SLFN5: variants seen among roughly 807,000 people sequenced by gnomAD.
The protein encoded by SLFN5 is schlafen family member 5.
Under a neutral mutation model 48.5 loss-of-function variants are expected in SLFN5, and 34 were observed. The observed-to-expected ratio is 0.70, with a 90% confidence interval of 0.53 to 0.93. The LOEUF is 0.93. Ranked by LOEUF, SLFN5 falls within the 40% of genes least tolerant of loss-of-function variation. The pLI, the probability that SLFN5 is intolerant of heterozygous loss-of-function variation, is 0.00. For missense variants in SLFN5, 1,006 were observed against 1,071.3 expected (o/e 0.94, Z 0.85); for synonymous variants, 387 against 396.2 (o/e 0.98, Z 0.28).
Position 35,264,610 on chromosome 17 carries a change from C to T in SLFN5, c.1566C>T (p.Thr522=). The change falls in exon 4 of 5, where the codon ACC becomes ACT. Residue 522 remains threonine, a synonymous_variant. Coordinates refer to ENST00000299977, the MANE Select transcript of SLFN5 (RefSeq NM_144975.4). The stretch of plus-strand genomic sequence containing the variant: ...ACCCTGAATCCTATAACTTCATGAC[C>T]CCCCAGCACATGGAAGCCCTGTTAC... ...QIYPESYNFM[T]PQHMEALLQS... 1.2e-6 allele frequency: 2 copies of T among 1,614,146 alleles called. No homozygotes were observed. Among genetic ancestry groups the T allele is most frequent in the Non-Finnish European group, 1.7e-6 (2 of 1,180,032 alleles).
At chr17:35,255,460 C>T (rs191539298) in intron 1 of SLFN5, among the ~76,000 whole-genome samples, 43 of 152,292 alleles carry the variant, frequency 2.8e-4, no homozygotes, top group African/African-American at 9.4e-4. Context: ...TGTATGCGTG[C>T]GCACATGTGC....
chr17:35,265,185 A>G lies in SLFN5; in HGVS notation c.1973A>G (p.Asp658Gly). Residue 658 changes from aspartate (D) to glycine (G), a missense_variant, in exon 5 of 5, where the codon GAT becomes GGT. By Grantham distance (94) the Asp-to-Gly change is moderately conservative (BLOSUM62 -1). Transcript: ENST00000299977. The stretch of plus-strand genomic sequence containing the variant: ...GACGCTCAGAATTTCCGTACTGAAG[A>G]TGGGGACTGGTATGGGAAAGCAAAG... ...IDDAQNFRTEDGDWYGKAKFI... is the reference protein window; with the variant it reads ...IDDAQNFRTEGGDWYGKAKFI... 6.2e-7 allele frequency: 1 copy of G among 1,614,180 alleles called. No individual in the cohort carries two copies.
At chr17:35,261,132 G>C in intron 3 of SLFN5, 36 bp downstream of exon 3, 3 of 1,599,196 alleles carry the variant, frequency 1.9e-6, no homozygotes, top group Non-Finnish European at 2.6e-6. Context: ...GGAATATGTT[G>C]ATTGTTCATT....
intron 3 of SLFN5, 82 bp downstream of exon 3, chr17:35,261,178 C>A: frequency 2.0e-6 from 3 of 1,480,708 alleles, no homozygotes; most frequent in African/African-American, 1.4e-5. Context: ...ATATTATATA[C>A]AGAATCAATT....
At chr17:35,261,930 C>A (rs1029078778) in intron 3 of SLFN5, among the ~76,000 whole-genome samples, 2 of 143,440 alleles carry the variant, frequency 1.4e-5, no homozygotes, top group African/African-American at 5.2e-5. Context: ...ACACCCACCT[C>A]GGCCTCCCAA....
intron 1 of SLFN5, among the ~76,000 whole-genome samples, chr17:35,256,216 G>A (rs746898137): frequency 3.3e-5 from 5 of 152,042 alleles, no homozygotes; most frequent in South Asian, 2.1e-4. Flanking sequence ...AAAATTAGCC[G>A]GGAATGGTGG....
chr17:35,265,700 G>A lies in SLFN5; in HGVS notation c.2488G>A (p.Gly830Ser), dbSNP rs773377768. ...GGAGTCTGATCTGTTACTACAGATC[G>A]GTGATGCGTCGGATGTTCTAACCGA... is the stretch of plus-strand genomic sequence containing the variant. Reference protein sequence around the residue: ...HEESDLLLQIGDASDVLTDHI... With the variant: ...HEESDLLLQISDASDVLTDHI... Residue 830 changes from glycine (G) to serine (S), a missense_variant, in exon 5 of 5, where the codon GGT becomes AGT. Gly to Ser is a moderately conservative substitution (Grantham distance 56). Coordinates refer to ENST00000299977, the MANE Select transcript of SLFN5 (RefSeq NM_144975.4). 4.3e-6 allele frequency: 7 copies of A among 1,614,154 alleles called. No homozygotes were observed. Among genetic ancestry groups the A allele is most frequent in the East Asian group, 2.2e-5 (1 of 44,876 alleles).
At chr17:35,262,538 A>G (rs1904551132) in intron 3 of SLFN5, among the ~76,000 whole-genome samples, 1 of 152,160 alleles carries the variant, frequency 6.6e-6, no homozygotes, top group South Asian at 2.1e-4. Flanking sequence ...CTCTTCTGGA[A>G]GAAGCTTAGA....
chr17:35,259,854 T>C (rs1236400155), intron 2 of SLFN5, 152 bp downstream of exon 2: 6 of 887,958 alleles, frequency 6.8e-6, no homozygotes, highest in Admixed American at 5.8e-5. Context: ...TCCCTGTAGA[T>C]GTAGTTCGTG....
chr17:35,260,258 A>T (rs559286834), intron 2 of SLFN5, among the ~76,000 whole-genome samples: 31 of 152,252 alleles, frequency 2.0e-4, no homozygotes, highest in African/African-American at 7.5e-4. Flanking sequence ...GGTTGGTGAC[A>T]TGCATCTATC....
At chr17:35,259,878 C>T (rs1339883789) in intron 2 of SLFN5, 176 bp downstream of exon 2, 1 of 741,310 alleles carries the variant, frequency 1.3e-6, no homozygotes, top group East Asian at 2.8e-5. Context: ...TATTGCCCTT[C>T]CTTTCTTCTG....
intron 1 of SLFN5, among the ~76,000 whole-genome samples, chr17:35,248,299 G>C (rs1297658215): frequency 6.6e-6 from 1 of 152,172 alleles, no homozygotes; most frequent in Non-Finnish European, 1.5e-5. Flanking sequence ...GAATGGGGCT[G>C]CCGTTTTTTG....
In SLFN5 at chr17:35,264,393, C is replaced by T; in HGVS notation, c.1349C>T (p.Pro450Leu). 6.2e-7 allele frequency: 1 copy of T among 1,614,166 alleles called. No homozygotes were observed. The highest frequency in any genetic ancestry group is 8.5e-7 in the Non-Finnish European group (1 of 1,180,030). The part of the protein sequence containing the change: ...DALLISQNNT[P>L]ILYTIFSKWD... ...CTTCTAATTTCCCAGAACAACACCC[C>T]TATTCTCTACACCATCTTCAGCAAG... The change falls in exon 4 of 5, where the codon CCT (proline) becomes CTT (leucine). Residue 450 changes from proline (P) to leucine (L), a missense_variant. Physicochemically the swap from Pro to Leu is moderately conservative, Grantham distance 98. Transcript: ENST00000299977.
chr17:35,256,659 C>T (rs1904351389), intron 1 of SLFN5, among the ~76,000 whole-genome samples: 1 of 152,178 alleles, frequency 6.6e-6, no homozygotes, highest in African/African-American at 2.4e-5. Flanking sequence ...CCTCATTCCA[C>T]AGCCCAAGTG....
chr17:35,255,648 G>GA (rs1310039532), intron 1 of SLFN5, among the ~76,000 whole-genome samples: 6 of 151,690 alleles, frequency 4.0e-5, no homozygotes, highest in Middle Eastern at 3.4e-3. Context: ...CAGTGCCTGG[G>GA]AAAAAAAATG....
chr17:35,265,280 CACT>C lies in SLFN5; in HGVS notation c.2069_2071del (p.His690del), dbSNP rs757018100. 3.0e-4 allele frequency: 487 copies of C among 1,614,192 alleles called. 2 individuals are homozygous for C. The South Asian group carries it at 4.3e-3, about 14-fold the overall frequency. ...CTTTCTGGACTACTTTCAGACCTAT[CACT>C]TGAGTTGCAGTGGCCTCCCCCCTCC... On this transcript the variant is annotated inframe_deletion, in exon 5 of 5. Transcript: ENST00000299977.
At chr17:35,251,193 G>A (rs931162780) in intron 1 of SLFN5, among the ~76,000 whole-genome samples, 2 of 152,078 alleles carry the variant, frequency 1.3e-5, no homozygotes. Context: ...GAAGCCCTTG[G>A]GCCTTCAACT....
Position 35,259,669 on chromosome 17 carries a change from G to A in SLFN5, c.979G>A (p.Glu327Lys). The change falls in exon 2 of 5, where the codon GAA (glutamate) becomes AAA (lysine). Residue 327 changes from glutamate to lysine, a missense_variant. Transcript: ENST00000299977. ...CCGTGTGAGACAATTGCCCACAAGAGAATGGACTGCTTGGATGATGGAAGC... is the reference window on the plus strand; with the variant it reads ...CCGTGTGAGACAATTGCCCACAAGAAAATGGACTGCTTGGATGATGGAAGC... ...DNRVRQLPTREWTAWMMEADP... is the reference protein window; with the variant it reads ...DNRVRQLPTRKWTAWMMEADP... 1.2e-6 allele frequency: 2 copies of A among 1,600,804 alleles called. No individual in the cohort carries two copies. The highest frequency in any genetic ancestry group is 2.2e-5 in the South Asian group (2 of 91,070).
intron 1 of SLFN5, among the ~76,000 whole-genome samples, chr17:35,258,408 T>C (rs145564307): frequency 6.6e-6 from 1 of 152,264 alleles, no homozygotes; most frequent in East Asian, 1.9e-4. Context: ...ACTTATTCAC[T>C]ACCATGAGAA....
Sources: allele counts gnomAD v4.1 joint callset (sites outside exome capture counted in the v4.1 genomes callset), GRCh38; gene constraint gnomAD v4.1.1; transcripts MANE v1.5; gene names NCBI Gene and HGNC (gene_info 2026-07-23, HGNC 2026-07-21).